Variants in FAH observed in about 807,000 individuals in gnomAD.
The protein encoded by FAH is fumarylacetoacetase.
In FAH, 47 loss-of-function variants were observed where a neutral mutation model predicts 55.8. The observed-to-expected ratio is 0.84, with a 90% CI of 0.67 to 1.07. The LOEUF (loss-of-function observed/expected upper bound fraction) is 1.07. FAH is among the 50% of genes least tolerant of loss of function. The pLI, the probability that FAH is intolerant of heterozygous loss-of-function variation, is 0.00. For synonymous variants in FAH, 199 were observed against 207.7 expected, an observed-to-expected ratio of 0.96 and a Z score of 0.36; for missense variants, 495 against 545.9, an observed-to-expected ratio of 0.91 and a Z score of 0.93.
chr15:80,168,906 A>G (rs2041218221), intron 7 of FAH, among the ~76,000 whole-genome samples: 2 of 152,224 alleles, frequency 1.3e-5, no homozygotes, highest in South Asian at 2.1e-4. Context: ...ATGTTCATGA[A>G]TCAACAAAAT....
intron 1 of FAH, chr15:80,156,266 T>TA (rs1164403417): frequency 1.8e-5 from 3 of 170,904 alleles, no homozygotes; most frequent in African/African-American, 7.2e-5. Context: ...CCTGACCCTA[T>TA]ACCCACCGGT....
At chr15:80,156,918 T>G (rs2041104897) in intron 1 of FAH, 1 of 152,562 alleles carries the variant, frequency 6.6e-6, no homozygotes, top group Admixed American at 6.5e-5. Context: ...AGTTGCTTAC[T>G]GGTGGTGACT....
chr15:80,179,984 A>C, intron 11 of FAH, 140 bp from the exon 12 acceptor site: 1 of 702,874 alleles, frequency 1.4e-6, no homozygotes, highest in Non-Finnish European at 2.6e-6. Flanking sequence ...AAGGGACTGG[A>C]GAGAGCTGGC....
Position 80,181,137 on chromosome 15 carries a change from C to T in FAH, c.1158C>T (p.Asp386=), listed in dbSNP as rs767824538. 1.7e-5 allele frequency: 27 copies of T among 1,612,994 alleles called. No homozygotes were observed. The highest frequency in any genetic ancestry group is 5.0e-5 in the Admixed American group (3 of 59,998). The change falls in exon 13 of 14, where the codon GAC becomes GAT. Residue 386 remains aspartate, a synonymous_variant. Coordinates refer to ENST00000561421, the MANE Select transcript of FAH (RefSeq NM_000137.4). ...GNGQTRKFLL[D]GDEVIITGYC... ...GTCAGACCAGGAAGTTTCTGCTGGA[C>T]GGGGATGAAGTCATCATAACAGGTG...
intron 1 of FAH, chr15:80,156,536 A>G (rs995258377): frequency 1.3e-5 from 2 of 152,214 alleles, no homozygotes; most frequent in Admixed American, 1.3e-4. Context: ...ACAACTTTAT[A>G]TCAGATATGA....
In FAH at chr15:80,169,443, A is replaced by C. The variant is rs556104473; in HGVS notation, c.606+1127A>C. On this transcript the variant is annotated intron_variant, in intron 7 of 13. Transcript: ENST00000561421. ...TAATTACCACGAGTGACAAGAGTCA[A>C]GTGTATCAGCCCCATGGCTGGGCCC... Among the ~76,000 whole-genome samples the C allele has an allele frequency of 3.3e-5, 5 of 152,330 alleles. No homozygotes were observed. In the East Asian group the frequency reaches 9.7e-4, roughly 29 times the overall value.
intron 9 of FAH, among the ~76,000 whole-genome samples, chr15:80,174,392 G>A (rs773655715): frequency 8.5e-5 from 13 of 152,174 alleles, no homozygotes; most frequent in Non-Finnish European, 1.5e-4. Context: ...GTGGCTCCCA[G>A]TTTAAACTTA....
chr15:80,164,367 T>C (rs1044586252), intron 5 of FAH, among the ~76,000 whole-genome samples: 1 of 152,184 alleles, frequency 6.6e-6, no homozygotes, highest in Admixed American at 6.5e-5. Context: ...ATAAGGACCC[T>C]TGTGATTACA....
At chr15:80,158,965 T>C (rs2041123434) in intron 2 of FAH, among the ~76,000 whole-genome samples, 1 of 152,088 alleles carries the variant, frequency 6.6e-6, no homozygotes, top group Admixed American at 6.5e-5. Flanking sequence ...TTAAAAAACC[T>C]CTCGGCTCAC....
rs79745256 is a variant in FAH, at chr15:80,175,247, G to C, written c.913+156G>C. On this transcript the variant is annotated intron_variant, in intron 10 of 13. Coordinates refer to ENST00000561421, the MANE Select transcript of FAH (RefSeq NM_000137.4). Reference sequence around the variant, plus strand: ...GTCTAAAGGAAAGAGGAGGGGAGGGGAGGGGACACCCTGGTGCTCACTGGG... The same window carrying C: ...GTCTAAAGGAAAGAGGAGGGGAGGGCAGGGGACACCCTGGTGCTCACTGGG... Among the ~76,000 whole-genome samples the C allele has an allele frequency of 0.054, 8,242 of 152,142 alleles. 297 individuals are homozygous for C. Among genetic ancestry groups the C allele is most frequent in the East Asian group, 0.088 (452 of 5,162 alleles).
At chr15:80,170,272 G>A (rs1487179464) in intron 7 of FAH, among the ~76,000 whole-genome samples, 1 of 152,252 alleles carries the variant, frequency 6.6e-6, no homozygotes, top group Non-Finnish European at 1.5e-5. Flanking sequence ...TTTAGGCGTT[G>A]CCTCAGGAAG....
intron 13 of FAH, 112 bp from the exon 14 acceptor site, chr15:80,186,018 G>A: frequency 1.2e-6 from 1 of 821,942 alleles, no homozygotes; most frequent in African/African-American, 1.7e-5. Context: ...GATTCTGATG[G>A]CACCTTCCTG....
Position 80,180,231 on chromosome 15 carries a change from T to C in FAH, c.1062+6T>C, listed in dbSNP as rs1227050539. On this transcript the variant is annotated splice_donor_region_variant and intron_variant, in intron 12 of 13. Coordinates refer to ENST00000561421, the MANE Select transcript of FAH (RefSeq NM_000137.4). ...CTGGGACCATCAGCGGGCCGGTGAGTATCTGGCTGCACTGAGGGCTGCCCA... is the reference window on the plus strand; with the variant it reads ...CTGGGACCATCAGCGGGCCGGTGAGCATCTGGCTGCACTGAGGGCTGCCCA... 6.2e-7 allele frequency: 1 copy of C among 1,602,488 alleles called. No homozygotes were observed. Among genetic ancestry groups the C allele is most frequent in the South Asian group, 1.1e-5 (1 of 91,032 alleles).
chr15:80,178,489 G>T (rs1451662467), intron 11 of FAH, among the ~76,000 whole-genome samples: 2 of 152,042 alleles, frequency 1.3e-5, no homozygotes, highest in Non-Finnish European at 2.9e-5. Context: ...TTTAGTGTTA[G>T]ATCTGTGAGA....
intron 13 of FAH, among the ~76,000 whole-genome samples, chr15:80,185,463 G>A (rs1013749402): frequency 3.9e-5 from 6 of 152,220 alleles, no homozygotes; most frequent in African/African-American, 7.2e-5. Context: ...TTGGCAGAGC[G>A]AGGATTTGAA....
At chr15:80,160,923 C>G (rs1055213539) in intron 4 of FAH, among the ~76,000 whole-genome samples, 3 of 152,210 alleles carry the variant, frequency 2.0e-5, no homozygotes, top group African/African-American at 7.2e-5. Flanking sequence ...GCTGGCTCAG[C>G]CTGCGGCCCA....
intron 3 of FAH, 41 bp from the exon 4 acceptor site, chr15:80,160,369 G>T: frequency 6.2e-7 from 1 of 1,610,134 alleles, no homozygotes; most frequent in Admixed American, 1.7e-5. Context: ...ACCGCGCTTT[G>T]CTGCCTACTT....
intron 9 of FAH, among the ~76,000 whole-genome samples, chr15:80,174,195 C>T (rs1028657179): frequency 6.6e-6 from 1 of 152,146 alleles, no homozygotes; most frequent in African/African-American, 2.4e-5. Flanking sequence ...GCGGCCTTGT[C>T]TAGTCTCCCT....
At chr15:80,167,677 G>A (rs529845047) in intron 5 of FAH, among the ~76,000 whole-genome samples, 2 of 151,958 alleles carry the variant, frequency 1.3e-5, no homozygotes, top group African/African-American at 2.4e-5. Flanking sequence ...GACTACAGGC[G>A]TGCACCACTA....
Sources: gnomAD v4.1 joint callset for allele counts (sites outside exome capture counted in the v4.1 genomes callset) on GRCh38, gnomAD v4.1.1 for gene constraint, MANE v1.5 for transcripts, NCBI Gene and HGNC (gene_info 2026-07-23, HGNC 2026-07-21) for gene names.